Variants in TMEM132D observed in about 807,000 individuals in gnomAD.
TMEM132D encodes mature OL transmembrane protein.
A neutral mutation model predicts 62.3 loss-of-function variants in TMEM132D; 21 were observed. That is an observed-to-expected ratio of 0.34 (90% CI 0.24 to 0.49). The LOEUF is 0.49. TMEM132D is among the 20% of genes least tolerant of loss of function. The pLI is 0.99. For missense variants in TMEM132D, 1,346 were observed against 1,402.8 expected, an observed-to-expected ratio of 0.96 and a Z score of 0.65; for synonymous variants, 621 against 575.6, an observed-to-expected ratio of 1.08 and a Z score of -1.13.
chr12:129,278,801 C>G (rs141112165), intron 4 of TMEM132D, among the ~76,000 whole-genome samples: 1 of 152,148 alleles, frequency 6.6e-6, no homozygotes, highest in Non-Finnish European at 1.5e-5. Context: ...AGACAGGATA[C>G]GTGTCATGGG....
intron 2 of TMEM132D, among the ~76,000 whole-genome samples, chr12:129,615,795 C>T (rs7305248): frequency 0.014 from 1,984 of 139,050 alleles, 38 homozygotes; most frequent in East Asian, 0.071. Flanking sequence ...CAAAACAAAA[C>T]AAAATAAAAT....
chr12:129,315,141 C>CAA (rs1459029812), intron 4 of TMEM132D, among the ~76,000 whole-genome samples: 1 of 152,114 alleles, frequency 6.6e-6, no homozygotes, highest in Non-Finnish European at 1.5e-5. Context: ...TTATTTCTTT[C>CAA]TCTTGTCTGA....
At chr12:129,863,361 C>G (rs185041135) in intron 1 of TMEM132D, among the ~76,000 whole-genome samples, 39 of 152,192 alleles carry the variant, frequency 2.6e-4, no homozygotes, top group Admixed American at 9.2e-4. Flanking sequence ...GCTCCCTGCA[C>G]AGTTATGGGT....
At chr12:129,103,991 C>T in intron 5 of TMEM132D, among the ~76,000 whole-genome samples, 1 of 152,038 alleles carries the variant, frequency 6.6e-6, no homozygotes, top group East Asian at 1.9e-4. Context: ...GATTCAATGC[C>T]ATCCCCATCA....
At chr12:129,803,228 G>A (rs1320435594) in intron 1 of TMEM132D, among the ~76,000 whole-genome samples, 2 of 150,034 alleles carry the variant, frequency 1.3e-5, no homozygotes, top group African/African-American at 4.9e-5. Context: ...CAAATCAACA[G>A]AATATACATT....
chr12:129,578,802 C>A (rs1877758764), intron 2 of TMEM132D, among the ~76,000 whole-genome samples: 1 of 152,176 alleles, frequency 6.6e-6, no homozygotes, highest in African/African-American at 2.4e-5. Context: ...TTAATTCAAC[C>A]TTCCTCAATC....
At chr12:129,559,270 G>A (rs967081074) in intron 2 of TMEM132D, among the ~76,000 whole-genome samples, 4 of 152,156 alleles carry the variant, frequency 2.6e-5, no homozygotes, top group African/African-American at 9.7e-5. Flanking sequence ...TCAATTTTAG[G>A]AAAGAGAATA....
chr12:129,242,506 G>T (rs893146631), intron 4 of TMEM132D, among the ~76,000 whole-genome samples: 1 of 151,996 alleles, frequency 6.6e-6, no homozygotes, highest in Non-Finnish European at 1.5e-5. Context: ...ATATTTTTAT[G>T]TCCTTATTTT....
At chr12:129,484,929 C>A (rs1874538904) in intron 3 of TMEM132D, among the ~76,000 whole-genome samples, 1 of 152,140 alleles carries the variant, frequency 6.6e-6, no homozygotes, top group African/African-American at 2.4e-5. Context: ...GTGGGGCTGC[C>A]CCTGGGCCAA....
At chr12:129,537,575 A>T (rs576380922) in intron 2 of TMEM132D, among the ~76,000 whole-genome samples, 1 of 151,714 alleles carries the variant, frequency 6.6e-6, no homozygotes, top group African/African-American at 2.4e-5. Context: ...CTGTTTTCCC[A>T]CTGCCCTTCT....
At chr12:129,282,559 C>T (rs1433470996) in intron 4 of TMEM132D, among the ~76,000 whole-genome samples, 1 of 152,120 alleles carries the variant, frequency 6.6e-6, no homozygotes, top group East Asian at 1.9e-4. Context: ...TTTGGCAACC[C>T]TCTCCTGACC....
intron 5 of TMEM132D, among the ~76,000 whole-genome samples, chr12:129,168,899 C>T (rs1291993985): frequency 6.6e-6 from 1 of 152,152 alleles, no homozygotes; most frequent in Non-Finnish European, 1.5e-5. Context: ...TTTAAAGAAA[C>T]AAAACCCTGG....
At chr12:129,097,738 A>C (rs1836326800) in intron 5 of TMEM132D, among the ~76,000 whole-genome samples, 1 of 152,234 alleles carries the variant, frequency 6.6e-6, no homozygotes, top group African/African-American at 2.4e-5. Context: ...TTGTCCATTT[A>C]CGTAGAAAAG....
intron 3 of TMEM132D, among the ~76,000 whole-genome samples, chr12:129,497,066 G>C (rs1192156421): frequency 2.6e-5 from 4 of 152,166 alleles, no homozygotes; most frequent in African/African-American, 9.6e-5. Context: ...CCAGCACTTT[G>C]AGAGGCTGAG....
rs534445058 is a variant in TMEM132D at position 129,878,670 on chromosome 12, G to C, written c.79+24591C>G. 2.0e-5 allele frequency among the ~76,000 whole-genome samples: 3 copies of C among 151,748 alleles called. No homozygotes were observed. The South Asian group carries it at 6.3e-4, about 32-fold the overall frequency. On this transcript the variant is annotated intron_variant, in intron 1 of 8. Transcript: ENST00000422113. ...CAGCTCATTGCAACCTCCACCTCCC[G>C]GGTTCAAACGATTTTCCTGCCTCAG...
chr12:129,795,853 T>G (rs1871547614), intron 1 of TMEM132D, among the ~76,000 whole-genome samples: 1 of 152,200 alleles, frequency 6.6e-6, no homozygotes, highest in Admixed American at 6.5e-5. Flanking sequence ...TATTGGAGGC[T>G]TTATGGATGA....
intron 2 of TMEM132D, among the ~76,000 whole-genome samples, chr12:129,655,456 A>G (rs1880047933): frequency 6.6e-6 from 1 of 151,716 alleles, no homozygotes; most frequent in African/African-American, 2.4e-5. Context: ...CACCTTGGTC[A>G]GGCTGGTCTT....
intron 1 of TMEM132D, among the ~76,000 whole-genome samples, chr12:129,730,929 A>G (rs1481442631): frequency 6.6e-6 from 1 of 151,980 alleles, no homozygotes; most frequent in African/African-American, 2.4e-5. Context: ...TGGGACTCGG[A>G]CTGGCTTCCT....
At chr12:129,521,622 C>G (rs1015645772) in intron 3 of TMEM132D, 2 of 152,218 alleles carry the variant, frequency 1.3e-5, no homozygotes, top group African/African-American at 4.8e-5. Flanking sequence ...AGTCTAGAAA[C>G]TGAATATCAG....
Sources: gnomAD v4.1 joint callset for allele counts (sites outside exome capture counted in the v4.1 genomes callset) on GRCh38, gnomAD v4.1.1 for gene constraint, MANE v1.5 for transcripts, NCBI Gene and HGNC (gene_info 2026-07-23, HGNC 2026-07-21) for gene names.